Variants in NRXN3 observed in about 807,000 individuals in gnomAD.
The protein encoded by NRXN3 is neurexin 3.
Under a neutral mutation model 137.6 loss-of-function variants are expected in NRXN3, and 32 were observed. The observed-to-expected ratio is 0.23, with a 90% CI of 0.18 to 0.31. The LOEUF is 0.31. Among genes scored for constraint, NRXN3 ranks in the 10% least tolerant of loss-of-function variants. The pLI is 1.00. For missense variants in NRXN3, 1,574 were observed against 2,062.5 expected (o/e 0.76, Z 4.59); for synonymous variants, 798 against 784.5 (o/e 1.02, Z -0.29).
intron 16 of NRXN3, among the ~76,000 whole-genome samples, chr14:79,569,062 C>T (rs2097574306): frequency 6.6e-6 from 1 of 152,044 alleles, no homozygotes; most frequent in South Asian, 2.1e-4. Flanking sequence ...AATGATCTGA[C>T]TTTAAGATGT....
chr14:79,049,917 G>A (rs919420815), intron 15 of NRXN3, among the ~76,000 whole-genome samples: 2 of 151,906 alleles, frequency 1.3e-5, no homozygotes, highest in African/African-American at 4.8e-5. Context: ...TTGATTCTAG[G>A]CAGTCTCTCT....
intron 1 of NRXN3, among the ~76,000 whole-genome samples, chr14:78,234,998 A>ATATATATATATATATATATATATGTG (rs1567037007): frequency 1.9e-3 from 54 of 28,808 alleles, no homozygotes; most frequent in Non-Finnish European, 2.5e-3. Flanking sequence ...ATGCTTTTAT[A>ATATATATATATATATATATATATGTG]TATATATATA....
intron 16 of NRXN3, among the ~76,000 whole-genome samples, chr14:79,591,315 A>G (rs375968319): frequency 2.6e-5 from 4 of 152,214 alleles, no homozygotes; most frequent in Non-Finnish European, 5.9e-5. Flanking sequence ...TTTAGAAATT[A>G]TGATTGTCAC....
chr14:79,314,248 C>T (rs1395085920), intron 15 of NRXN3: 1 of 132,356 alleles, frequency 7.6e-6, no homozygotes, highest in African/African-American at 2.9e-5. Context: ...CATTGCCTCA[C>T]CTGGGAAGCG....
At position 79,456,504 on chromosome 14, in the gene NRXN3, A is replaced by G. The variant is rs74896093; in HGVS notation, c.3263-10717A>G. ...CATTTTGGGAGGCCAAGACGGGCGG[A>G]TCACTTGAACCCAGGAGTTTGAGAC... On this transcript the variant is annotated intron_variant, in intron 15 of 20. Coordinates refer to ENST00000335750, the MANE Select transcript of NRXN3 (RefSeq NM_001330195.2). Among the ~76,000 whole-genome samples the G allele has an allele frequency of 0.015, 2,341 of 152,276 alleles. 105 individuals carry two copies. The East Asian group carries it at 0.17, about 11-fold the overall frequency.
rs145333682 is a variant in NRXN3 at position 78,966,030 on chromosome 14, A to G, written c.2401A>G (p.Met801Val). The G allele has an allele frequency of 5.0e-6, 8 of 1,613,432 alleles. No individual in the cohort carries two copies. Among genetic ancestry groups the G allele is most frequent in the Non-Finnish European group, 6.8e-6 (8 of 1,179,534 alleles). Residue 801 changes from methionine (M) to valine (V), a missense_variant, in exon 12 of 21, where the codon ATG (methionine) becomes GTG (valine). Physicochemically the swap from Met to Val is conservative, Grantham distance 21. Around this residue, in one of 5 missense-constraint regions of NRXN3, gnomAD observed 718 missense variants for 887.6 expected, o/e 0.81. Coordinates refer to ENST00000335750, the MANE Select transcript of NRXN3 (RefSeq NM_001330195.2). ...CTCATTTACAATTTTCACAGGTACA[A>G]TGGTGGGAGACCATACCCGTTTGGA... ...TVDDDVAEGTMVGDHTRLEFH... is the reference protein window; with the variant it reads ...TVDDDVAEGTVVGDHTRLEFH...
intron 15 of NRXN3, among the ~76,000 whole-genome samples, chr14:79,084,780 G>A (rs558836224): frequency 2.6e-5 from 4 of 152,180 alleles, no homozygotes; most frequent in Admixed American, 6.5e-5. Context: ...GCACATGTTC[G>A]TAGGTGACAC....
intron 4 of NRXN3, among the ~76,000 whole-genome samples, chr14:78,603,601 A>C (rs1159063886): frequency 6.6e-6 from 1 of 152,256 alleles, no homozygotes; most frequent in African/African-American, 2.4e-5. Context: ...ACCTCTAAAC[A>C]GTTATAATTA....
intron 4 of NRXN3, among the ~76,000 whole-genome samples, chr14:78,498,516 T>C (rs183195719): frequency 3.9e-5 from 6 of 152,154 alleles, no homozygotes; most frequent in African/African-American, 1.4e-4. Flanking sequence ...CTAGTCTTTT[T>C]GACTTTATGG....
intron 4 of NRXN3, among the ~76,000 whole-genome samples, chr14:78,371,636 C>T (rs941149130): frequency 3.3e-5 from 5 of 152,134 alleles, no homozygotes; most frequent in Non-Finnish European, 5.9e-5. Flanking sequence ...GGGGCCAGAG[C>T]CCAAAAGTGC....
intron 4 of NRXN3, among the ~76,000 whole-genome samples, chr14:78,502,202 G>T (rs748118457): frequency 6.6e-6 from 1 of 152,084 alleles, no homozygotes. Flanking sequence ...GGACAATCAC[G>T]TGAACAGTAT....
At chr14:78,690,921 A>G (rs1772420393) in intron 6 of NRXN3, among the ~76,000 whole-genome samples, 1 of 152,176 alleles carries the variant, frequency 6.6e-6, no homozygotes, top group Admixed American at 6.6e-5. Flanking sequence ...AAGATGTGTT[A>G]GTGAGTGAAA....
chr14:78,230,420 ATTC>A (rs1049195424), intron 1 of NRXN3, among the ~76,000 whole-genome samples: 1 of 151,960 alleles, frequency 6.6e-6, no homozygotes, highest in Non-Finnish European at 1.5e-5. Context: ...TGCATCTTTT[ATTC>A]TTCTTTCCTA....
chr14:79,127,805 T>C (rs2056782896), intron 15 of NRXN3, among the ~76,000 whole-genome samples: 1 of 152,212 alleles, frequency 6.6e-6, no homozygotes, highest in South Asian at 2.1e-4. Context: ...TTCCTACCGA[T>C]GAGCATGGAA....
At chr14:79,546,083 C>T (rs2097316901) in intron 16 of NRXN3, among the ~76,000 whole-genome samples, 1 of 152,156 alleles carries the variant, frequency 6.6e-6, no homozygotes, top group African/African-American at 2.4e-5. Flanking sequence ...TGACTTGCTC[C>T]TCCTTGCCTT....
chr14:79,101,272 C>G (rs936585219), intron 15 of NRXN3, among the ~76,000 whole-genome samples: 1 of 152,180 alleles, frequency 6.6e-6, no homozygotes, highest in Non-Finnish European at 1.5e-5. Context: ...TGTGGAATGA[C>G]TCTGAAATTG....
intron 4 of NRXN3, among the ~76,000 whole-genome samples, chr14:78,527,540 G>A (rs1161328312): frequency 6.6e-6 from 1 of 152,104 alleles, no homozygotes; most frequent in Non-Finnish European, 1.5e-5. Flanking sequence ...TGAGATTTGG[G>A]TGGGGACACA....
chr14:79,656,229 A>G, intron 16 of NRXN3, among the ~76,000 whole-genome samples: 1 of 152,188 alleles, frequency 6.6e-6, no homozygotes, highest in East Asian at 1.9e-4. Context: ...GGGAAACCGG[A>G]CGTTTATGGG....
intron 16 of NRXN3, among the ~76,000 whole-genome samples, chr14:79,515,358 G>A (rs61995182): frequency 2.4e-4 from 36 of 150,612 alleles, no homozygotes; most frequent in Non-Finnish European, 4.0e-4. Flanking sequence ...GTGTTCCCAC[G>A]ATGATGACTC....
Sources: gnomAD v4.1 joint callset for allele counts (sites outside exome capture counted in the v4.1 genomes callset) on GRCh38, gnomAD v4.1.1 for gene constraint, gnomAD v4.1.1 regional missense constraint, MANE v1.5 for transcripts, NCBI Gene and HGNC (gene_info 2026-07-23, HGNC 2026-07-21) for gene names.